Variants in IL6ST observed in about 807,000 individuals in gnomAD.
IL6ST encodes the protein interleukin-6 receptor subunit beta.
IL6ST carries 24 observed loss-of-function variants against 91.3 expected under a neutral mutation model. The ratio of observed to expected loss-of-function variants is 0.26; its 90% CI spans 0.19 to 0.37. The LOEUF (loss-of-function observed/expected upper bound fraction) is 0.37, where lower values mean the gene tolerates loss of function less well. IL6ST is among the 10% of genes least tolerant of loss of function. The pLI, the probability that IL6ST is intolerant of heterozygous loss-of-function variation, is 1.00. For synonymous variants in IL6ST, 351 were observed against 373.6 expected (o/e 0.94, Z 0.70); for missense variants, 914 against 1,078.5 (o/e 0.85, Z 2.14).
intron 4 of IL6ST, among the ~76,000 whole-genome samples, chr5:55,969,346 T>G (rs1367845273): frequency 6.6e-6 from 1 of 152,138 alleles, no homozygotes; most frequent in Non-Finnish European, 1.5e-5. Flanking sequence ...TGTCAAATAT[T>G]TCTCTAGTAA....
intron 5 of IL6ST, among the ~76,000 whole-genome samples, chr5:55,965,627 G>A (rs976605993): frequency 3.3e-5 from 5 of 152,126 alleles, no homozygotes; most frequent in Admixed American, 3.3e-4. Flanking sequence ...GTCTGGGTGA[G>A]GAAATACATG....
chr5:55,977,924 G>A (rs1015963151), intron 2 of IL6ST, among the ~76,000 whole-genome samples: 4 of 151,940 alleles, frequency 2.6e-5, no homozygotes, highest in Non-Finnish European at 1.5e-5. Context: ...GTTTGAACCC[G>A]GAAGGCAGGG....
chr5:55,954,762 A>C, intron 11 of IL6ST, 48 bp downstream of exon 11: 1 of 1,429,414 alleles, frequency 7.0e-7, no homozygotes, highest in Non-Finnish European at 9.5e-7. Context: ...AAGCTGCCTA[A>C]AGAGTTAGAA....
chr5:55,952,376 C>A, intron 11 of IL6ST, 25 bp from the exon 12 acceptor site: 1 of 1,291,738 alleles, frequency 7.7e-7, no homozygotes, highest in Non-Finnish European at 1.1e-6. Flanking sequence ...GCAGATTAAG[C>A]ATGTTTTTCC....
chr5:55,957,224 T>C lies in IL6ST; in HGVS notation c.1041A>G (p.Val347=), dbSNP rs1264482857. Residue 347 remains valine, a synonymous_variant, in exon 9 of 17, where the codon GTA becomes GTG. Transcript: ENST00000381298. ...GATTTTTTACCTTCCACACGAGTTGTACAGTTCTGTAGCCTTGAGTATGGG... is the reference window on the plus strand; with the variant it reads ...GATTTTTTACCTTCCACACGAGTTGCACAGTTCTGTAGCCTTGAGTATGGG... ...DPSHTQGYRT[V]QLVWKTLPPF... is the part of the protein sequence containing the mutation. 2 of 1,528,128 alleles carry C rather than the reference T, an allele frequency of 1.3e-6. No homozygotes were observed. Among genetic ancestry groups the C allele is most frequent in the Admixed American group, 2.0e-5 (1 of 51,042 alleles). The allele number at this position is 1,528,128 out of a possible 1,614,324, so 94.7% of individuals were successfully genotyped here.
At position 55,940,720 on chromosome 5, in the gene IL6ST, C is replaced by G. The variant is rs759854525; in HGVS notation, c.*362G>C. The G allele has an allele frequency of 7.5e-6, 2 of 266,638 alleles. No individual in the cohort carries two copies. Among genetic ancestry groups the G allele is most frequent in the Non-Finnish European group, 1.4e-5 (2 of 138,772 alleles). The allele number at this position is 266,638 out of a possible 1,614,324, so 16.5% of individuals were successfully genotyped here. A position where few individuals can be genotyped will look rare whatever the true frequency, so the allele number is the denominator to read the frequency against. On this transcript the variant is annotated 3_prime_UTR_variant, in exon 17 of 17. Transcript: ENST00000381298. ...ACTATTCTAATCAAAATCAGTATAG[C>G]TGTGCTCACTAAGCATATCACTGCT...
chr5:55,947,756 C>A (rs1751365643), intron 14 of IL6ST, among the ~76,000 whole-genome samples, 167 bp from the exon 15 acceptor site: 2 of 152,256 alleles, frequency 1.3e-5, no homozygotes, highest in South Asian at 4.1e-4. Context: ...TTTTTACCCT[C>A]TTCTCTCTTT....
At chr5:55,942,514 T>C (rs1316146253) in intron 16 of IL6ST, among the ~76,000 whole-genome samples, 156 bp downstream of exon 16, 1 of 152,228 alleles carries the variant, frequency 6.6e-6, no homozygotes, top group Non-Finnish European at 1.5e-5. Flanking sequence ...TTTTCAGTTA[T>C]GTACTGTTTT....
Position 55,938,945 on chromosome 5 carries a change from T to A in IL6ST, c.*2137A>T, listed in dbSNP as rs554324334. 21 of 203,410 alleles carry A rather than the reference T, an allele frequency of 1.0e-4. No homozygotes were observed. In the South Asian group the frequency reaches 3.8e-3, roughly 37 times the overall value. The allele number at this position is 203,410 out of a possible 1,614,324, so 12.6% of individuals were successfully genotyped here. On this transcript the variant is annotated 3_prime_UTR_variant, in exon 17 of 17. Coordinates refer to ENST00000381298, the MANE Select transcript of IL6ST (RefSeq NM_002184.4). ...TACAGGCTTCAACATGCAAATTTGTTTATATCATGGCCTTCAATGATCCTC... is the reference window on the plus strand; with the variant it reads ...TACAGGCTTCAACATGCAAATTTGTATATATCATGGCCTTCAATGATCCTC...
In IL6ST at chr5:55,954,904, T is replaced by C; in HGVS notation, c.1356A>G (p.Lys452=). The change falls in exon 11 of 17, where the codon AAA becomes AAG. Residue 452 remains lysine (K), a synonymous_variant. Coordinates refer to ENST00000381298, the MANE Select transcript of IL6ST (RefSeq NM_002184.4). ...EWTTPRESVK[K]YILEWCVLSD... is the part of the protein sequence containing the mutation. The stretch of plus-strand genomic sequence containing the variant: ...ATAACACACACCACTCAAGTATATA[T>C]TTCTTTACAGATTCCCTTGGAGTAG... 6.2e-7 allele frequency: 1 copy of C among 1,613,308 alleles called. No individual in the cohort carries two copies. The highest frequency in any genetic ancestry group is 1.1e-5 in the South Asian group (1 of 91,004).
intron 8 of IL6ST, among the ~76,000 whole-genome samples, chr5:55,958,379 CAATAAGT>C (rs1359965962): frequency 6.6e-6 from 1 of 151,958 alleles, no homozygotes; most frequent in African/African-American, 2.4e-5. Flanking sequence ...AATTTTTTAG[CAATAAGT>C]AATATCAACT....
chr5:55,974,141 A>T (rs1003851390), intron 3 of IL6ST, among the ~76,000 whole-genome samples: 1 of 152,234 alleles, frequency 6.6e-6, no homozygotes, highest in African/African-American at 2.4e-5. Context: ...AATGATGTTC[A>T]GATCAAAGTA....
chr5:55,979,542 A>G (rs1580855641), intron 2 of IL6ST, among the ~76,000 whole-genome samples: 1 of 152,344 alleles, frequency 6.6e-6, no homozygotes, highest in East Asian at 1.9e-4. Flanking sequence ...TAAAAACCCA[A>G]AAAGTATCAA....
Position 55,941,336 on chromosome 5 carries a change from T to C in IL6ST, c.2503A>G (p.Lys835Glu). The C allele has an allele frequency of 9.3e-6, 15 of 1,614,158 alleles. No individual in the cohort carries two copies. The highest frequency in any genetic ancestry group is 1.3e-5 in the Non-Finnish European group (15 of 1,180,016). Residue 835 changes from lysine (K) to glutamate (E), a missense_variant, in exon 17 of 17, where the codon AAG (lysine) becomes GAG (glutamate). Lys to Glu is a moderately conservative substitution (Grantham distance 56). Coordinates refer to ENST00000381298, the MANE Select transcript of IL6ST (RefSeq NM_002184.4). ...TCCTCATTGACTGATGAAACTTGCT[T>C]TGACCTTTCAAAATGTGAAATATCT... ...SPDISHFERS[K>E]QVSSVNEEDF...
chr5:55,944,193 T>C (rs1193646267), intron 15 of IL6ST, among the ~76,000 whole-genome samples: 1 of 152,196 alleles, frequency 6.6e-6, no homozygotes, highest in Non-Finnish European at 1.5e-5. Context: ...TGCTCTTATA[T>C]GGTCTAGATG....
At position 55,935,303 on chromosome 5, in the gene IL6ST, T is replaced by A. The variant is rs868855545; in HGVS notation, c.*5779A>T. 1.0e-5 allele frequency: 2 copies of A among 193,850 alleles called. No homozygotes were observed. Among genetic ancestry groups the A allele is most frequent in the African/African-American group, 4.6e-5 (2 of 43,116 alleles). 12.0% of individuals were successfully genotyped at this position (193,850 alleles called of 1,614,324 possible). ...CACTTTTTTGACATGTAAAATGACA[T>A]AACCATAGTCACAGGGAATAAAGAA... is the stretch of plus-strand genomic sequence containing the variant. On this transcript the variant is annotated 3_prime_UTR_variant, in exon 17 of 17. Coordinates refer to ENST00000381298, the MANE Select transcript of IL6ST (RefSeq NM_002184.4).
At chr5:55,949,605 T>G (rs1453440745) in intron 14 of IL6ST, among the ~76,000 whole-genome samples, 2 of 152,236 alleles carry the variant, frequency 1.3e-5, no homozygotes, top group Admixed American at 1.3e-4. Context: ...TTTTTAAGTT[T>G]ATTTTTTAAT....
intron 11 of IL6ST, among the ~76,000 whole-genome samples, chr5:55,952,878 A>G (rs1751726210): frequency 6.6e-6 from 1 of 152,140 alleles, no homozygotes; most frequent in African/African-American, 2.4e-5. Context: ...CATGGCCAAC[A>G]TGGTGAAACC....
chr5:55,953,678 A>G (rs1180272545), intron 11 of IL6ST, among the ~76,000 whole-genome samples: 1 of 152,198 alleles, frequency 6.6e-6, no homozygotes, highest in East Asian at 1.9e-4. Context: ...GAGCCACCGC[A>G]TCGGCTGCTG....
Sources: allele counts gnomAD v4.1 joint callset (sites outside exome capture counted in the v4.1 genomes callset), GRCh38; gene constraint gnomAD v4.1.1; transcripts MANE v1.5; gene names NCBI Gene and HGNC (gene_info 2026-07-23, HGNC 2026-07-21).